SHMT2: variants seen among roughly 807,000 people sequenced by gnomAD.
SHMT2 encodes the protein serine hydroxymethyltransferase 2.
A neutral mutation model predicts 59.6 loss-of-function variants in SHMT2; 38 were observed. The ratio of observed to expected loss-of-function variants is 0.64; its 90% CI spans 0.49 to 0.84. The LOEUF is 0.84. SHMT2 is among the 40% of genes least tolerant of loss of function. The probability of loss-of-function intolerance (pLI) is 0.00; values close to 1 mark genes in which losing one functional copy is unlikely to be tolerated. For missense variants in SHMT2, 533 were observed against 659.5 expected (o/e 0.81, Z 2.10); for synonymous variants, 254 against 258.1 (o/e 0.98, Z 0.15).
intron 1 of SHMT2, chr12:57,230,526 GAGGACAAGCTTTGC>G (rs1459088825): frequency 7.6e-7 from 1 of 1,319,134 alleles, no homozygotes; most frequent in African/African-American, 1.5e-5. Context: ...TAGGCTTTTG[GAGGACAAGCTTTGC>G]AGAGTGGTTC....
chr12:57,233,533 G>T, intron 8 of SHMT2, 30 bp from the exon 9 acceptor site: 1 of 1,600,420 alleles, frequency 6.2e-7, no homozygotes, highest in East Asian at 2.2e-5. Flanking sequence ...TCCAGGCCTA[G>T]GGTGACAGCT....
chr12:57,231,543 G>A lies in SHMT2; in HGVS notation c.294G>A (p.Glu98=), dbSNP rs1422770469. ...LGSCLNNKYS[E]GYPGKRYYGG... The stretch of plus-strand genomic sequence containing the variant: ...CCTGTCTGAACAACAAGTACTCGGA[G>A]GGTTATCCTGGCAAGAGGTGAGGGC... Residue 98 remains glutamate, a synonymous_variant, in exon 3 of 12, where the codon GAG becomes GAA. Coordinates refer to ENST00000328923, the MANE Select transcript of SHMT2 (RefSeq NM_005412.6). 6.2e-7 allele frequency: 1 copy of A among 1,614,236 alleles called. No individual in the cohort carries two copies. Among genetic ancestry groups the A allele is most frequent in the Non-Finnish European group, 8.5e-7 (1 of 1,180,042 alleles).
intron 7 of SHMT2, 106 bp from the exon 8 acceptor site, chr12:57,233,074 C>T: frequency 7.4e-7 from 1 of 1,352,446 alleles, no homozygotes; most frequent in Non-Finnish European, 1.0e-6. Context: ...TGTACCAAGC[C>T]CACGTGAGCT....
chr12:57,230,231 A>G, intron 1 of SHMT2: 1 of 1,243,134 alleles, frequency 8.0e-7, no homozygotes, highest in Non-Finnish European at 1.0e-6. Flanking sequence ...GAGGGCTGGA[A>G]GGAGGTGGAA....
chr12:57,234,210 T>A (rs2037458652), intron 11 of SHMT2, 24 bp from the exon 12 acceptor site: 2 of 1,611,896 alleles, frequency 1.2e-6, no homozygotes, highest in Non-Finnish European at 1.7e-6. Flanking sequence ...TCTGACCACT[T>A]GTTTCCTCAC....
chr12:57,229,999 GTCC>G (rs2037246298), intron 1 of SHMT2, 188 bp downstream of exon 1: 1 of 1,437,424 alleles, frequency 7.0e-7, no homozygotes, highest in Non-Finnish European at 9.1e-7. Flanking sequence ...CTGCGAGCCT[GTCC>G]TCATTCTGGC....
intron 11 of SHMT2, 52 bp downstream of exon 11, chr12:57,234,162 C>T (rs748045310): frequency 8.6e-5 from 138 of 1,613,178 alleles, no homozygotes; most frequent in Non-Finnish European, 1.1e-4. Context: ...TCACTGTCTG[C>T]TCCCTCCCCC....
At chr12:57,231,692 A>T in intron 3 of SHMT2, 21 bp from the exon 4 acceptor site, 1 of 1,613,806 alleles carries the variant, frequency 6.2e-7, no homozygotes, top group Non-Finnish European at 8.5e-7. Context: ...CTGTGCCCTC[A>T]TTACCCCTCT....
chr12:57,232,584 G>T lies in SHMT2; in HGVS notation c.717+9G>T, dbSNP rs550014245. On this transcript the variant is annotated intron_variant, in intron 6 of 11. Coordinates refer to ENST00000328923, the MANE Select transcript of SHMT2 (RefSeq NM_005412.6). ...ACGCCCGCATGAGAGAGGTTGGTGG[G>T]GGGGGCTGGAGACTGGGCACCTCCC... 4.5e-5 allele frequency: 73 copies of T among 1,614,102 alleles called. No individual in the cohort carries two copies. The South Asian group carries it at 6.5e-4, about 14-fold the overall frequency.
chr12:57,232,833 C>T lies in SHMT2; in HGVS notation c.847C>T (p.Arg283Ter), dbSNP rs758199349. 1.9e-6 allele frequency: 3 copies of T among 1,608,946 alleles called. No homozygotes were observed. Among genetic ancestry groups the T allele is most frequent in the African/African-American group, 1.3e-5 (1 of 74,980 alleles). The part of the protein sequence containing the change: ...IVTTTTHKTL[R>*]GARSGLIFYR... Reference sequence around the variant, plus strand: ...CACCACCACTACTCACAAGACTCTTCGAGGGGCCAGGTCAGGCTCCCTGAG... The same window carrying T: ...CACCACCACTACTCACAAGACTCTTTGAGGGGCCAGGTCAGGCTCCCTGAG... The change falls in exon 7 of 12, where the codon CGA (arginine) becomes TGA (stop). Residue 283 changes from arginine (R) to a stop codon, truncating the protein, a stop_gained. Coordinates refer to ENST00000328923, the MANE Select transcript of SHMT2 (RefSeq NM_005412.6). LOFTEE classifies it high-confidence loss of function.
At chr12:57,229,965 A>T in intron 1 of SHMT2, 154 bp downstream of exon 1, 7 of 1,458,798 alleles carry the variant, frequency 4.8e-6, no homozygotes, top group Non-Finnish European at 6.4e-6. Flanking sequence ...AATCCCCAAG[A>T]CCCCTGGGCG....
At position 57,233,292 on chromosome 12, in the gene SHMT2, CA is replaced by C; in HGVS notation, c.971del (p.Gln324ArgfsTer12). ...RINFAVFPSLQGGPHNHAIAA... is the reference protein window; with the variant it reads ...RINFAVFPSLXGGPHNHAIAA... ...CAACTTTGCCGTGTTCCCATCCCTG[CA>C]GGGGGGCCCCCACAATCATGCCATT... On this transcript the variant is annotated frameshift_variant, in exon 8 of 12. Coordinates refer to ENST00000328923, the MANE Select transcript of SHMT2 (RefSeq NM_005412.6). LOFTEE classifies it high-confidence loss of function. 6.2e-7 allele frequency: 1 copy of C among 1,603,602 alleles called. No homozygotes were observed.
At chr12:57,233,386 C>T (rs2037410542) in intron 8 of SHMT2, 41 bp downstream of exon 8, 2 of 1,555,700 alleles carry the variant, frequency 1.3e-6, no homozygotes, top group Non-Finnish European at 1.7e-6. Context: ...GGGGCAATGG[C>T]CTGGAGGCTT....
Position 57,232,534 on chromosome 12 carries a change from A to G in SHMT2, c.676A>G (p.Ser226Gly), listed in dbSNP as rs1000229352. The G allele has an allele frequency of 6.2e-7, 1 of 1,614,190 alleles. No homozygotes were observed. Among genetic ancestry groups the G allele is most frequent in the East Asian group, 2.2e-5 (1 of 44,886 alleles). Reference sequence around the variant, plus strand: ...GCCACGGCTCATCATAGCTGGCACCAGCGCCTATGCTCGCCTCATTGACTA... The same window carrying G: ...GCCACGGCTCATCATAGCTGGCACCGGCGCCTATGCTCGCCTCATTGACTA... ...FRPRLIIAGT[S>G]AYARLIDYAR... The change falls in exon 6 of 12, where the codon AGC becomes GGC. Residue 226 changes from serine to glycine, a missense_variant. Transcript: ENST00000328923.
At chr12:57,231,257 A>G (rs781769362) in intron 2 of SHMT2, 4 of 625,466 alleles carry the variant, frequency 6.4e-6, no homozygotes, top group Non-Finnish European at 1.1e-5. Context: ...GGAGGAGCCT[A>G]GAAGCACAAG....
chr12:57,234,529 T>C lies in SHMT2; in HGVS notation c.*168T>C. ...CCCAGAATTTGTAACTGAGAAGATC[T>C]TTTCTTTTTCCTTTTTTTGGTAACA... On this transcript the variant is annotated 3_prime_UTR_variant, in exon 12 of 12. Transcript: ENST00000328923. 1 of 664,396 alleles carries C rather than the reference T, an allele frequency of 1.5e-6. No individual in the cohort carries two copies. The allele number at this position is 664,396 out of a possible 1,614,324, so 41.2% of individuals were successfully genotyped here.
intron 1 of SHMT2, chr12:57,230,515 A>G (rs1035649009): frequency 7.7e-7 from 1 of 1,295,914 alleles, no homozygotes; most frequent in African/African-American, 1.5e-5. Context: ...TTGGGGAGAC[A>G]TAGGCTTTTG....
At chr12:57,232,604 C>T in intron 6 of SHMT2, 29 bp downstream of exon 6, 6 of 1,613,830 alleles carry the variant, frequency 3.7e-6, no homozygotes, top group Non-Finnish European at 5.1e-6. Flanking sequence ...AGACTGGGCA[C>T]CTCCCCAGGG....
chr12:57,230,859 C>T lies in SHMT2; in HGVS notation c.90C>T (p.Asn30=), dbSNP rs771968637. The T allele has an allele frequency of 7.4e-6, 12 of 1,614,006 alleles. No homozygotes were observed. The highest frequency in any genetic ancestry group is 3.3e-5 in the Admixed American group (2 of 60,004). Residue 30 remains asparagine, a synonymous_variant, in exon 2 of 12, where the codon AAC becomes AAT. Coordinates refer to ENST00000328923, the MANE Select transcript of SHMT2 (RefSeq NM_005412.6). ...VRMAIRAQHS[N]AAQTQTGEAN... is the part of the protein sequence containing the mutation. ...TGGCCATTCGGGCTCAGCACAGCAA[C>T]GCAGCCCAGACTCAGACTGGGGAAG... is the stretch of plus-strand genomic sequence containing the variant.
Sources: allele counts gnomAD v4.1 joint callset, GRCh38; gene constraint gnomAD v4.1.1; transcripts MANE v1.5; gene names NCBI Gene and HGNC (gene_info 2026-07-23, HGNC 2026-07-21).